ELFN2: variants seen among roughly 807,000 people sequenced by gnomAD.
ELFN2 encodes extracellular leucine rich repeat and fibronectin type III domain containing 2.
In ELFN2, 17 loss-of-function variants were observed where a neutral mutation model predicts 45.5. That is an observed-to-expected ratio of 0.37 (90% CI 0.26 to 0.56). The LOEUF is 0.56. ELFN2 is among the 20% of genes least tolerant of loss of function. ELFN2 has a pLI of 0.77. For synonymous variants in ELFN2, 550 were observed against 551.5 expected (o/e 1.00, Z 0.04); for missense variants, 922 against 1,183.2 (o/e 0.78, Z 3.24).
downstream of ELFN2, among the ~76,000 whole-genome samples, chr22:37,364,960 G>A (rs564836104): frequency 7.2e-5 from 11 of 152,324 alleles, no homozygotes; most frequent in Middle Eastern, 3.4e-3. Context: ...AATGCTTCCG[G>A]GCTGTGACAA....
intron 1 of ELFN2, among the ~76,000 whole-genome samples, chr22:37,347,245 C>T (rs940666175): frequency 6.6e-6 from 1 of 152,134 alleles, no homozygotes; most frequent in African/African-American, 2.4e-5. Flanking sequence ...TCCCAACGTG[C>T]TGGGATTACA....
intron 1 of ELFN2, among the ~76,000 whole-genome samples, chr22:37,361,938 C>T (rs1427812735): frequency 1.3e-5 from 2 of 152,210 alleles, no homozygotes; most frequent in African/African-American, 2.4e-5. Context: ...CACAGGCATG[C>T]ATAGAGACTG....
At chr22:37,408,126 C>A (rs911871381) in intron 2 of ELFN2, among the ~76,000 whole-genome samples, 3 of 152,218 alleles carry the variant, frequency 2.0e-5, no homozygotes, top group Admixed American at 6.5e-5. Context: ...ATGATCCCCC[C>A]AGGGGCTGCG....
intron 1 of ELFN2, among the ~76,000 whole-genome samples, chr22:37,362,215 C>A (rs999787090): frequency 2.0e-5 from 3 of 152,228 alleles, no homozygotes; most frequent in African/African-American, 7.2e-5. Flanking sequence ...AGGGTCAGAG[C>A]AGACCCTTCT....
intron 2 of ELFN2, among the ~76,000 whole-genome samples, chr22:37,388,489 C>T (rs1434180273): frequency 1.3e-5 from 2 of 152,162 alleles, no homozygotes; most frequent in Non-Finnish European, 2.9e-5. Context: ...ATAAGGAAAT[C>T]GAGGCTCCAA....
chr22:37,351,977 AC>A (rs1930832292), intron 1 of ELFN2, among the ~76,000 whole-genome samples: 1 of 150,772 alleles, frequency 6.6e-6, no homozygotes, highest in Admixed American at 6.6e-5. Context: ...GGGCTGCCCA[AC>A]TCGGAGCTGG....
intron 2 of ELFN2, among the ~76,000 whole-genome samples, chr22:37,380,411 C>T (rs1931721515): frequency 6.6e-6 from 1 of 152,216 alleles, no homozygotes; most frequent in African/African-American, 2.4e-5. Context: ...GACAGAGACA[C>T]ACACGCTCAG....
At position 37,372,476 on chromosome 22, in the gene ELFN2, G is replaced by C. The variant is rs1005969388; in HGVS notation, c.*596C>G. On this transcript the variant is annotated 3_prime_UTR_variant, in exon 3 of 3. Coordinates refer to ENST00000402918, the MANE Select transcript of ELFN2 (RefSeq NM_052906.5). The surrounding 1 kb of genome is among the most constrained non-coding windows in gnomAD (Gnocchi z 4.4). Reference sequence around the variant, plus strand: ...GCAGGGGGTTCCGGGACAGCACTGGGCTGGGAAGTTGGGGGACTTGAGGCT... The same window carrying C: ...GCAGGGGGTTCCGGGACAGCACTGGCCTGGGAAGTTGGGGGACTTGAGGCT... 1 of 152,906 alleles carries C rather than the reference G, an allele frequency of 6.5e-6. No homozygotes were observed. The highest frequency in any genetic ancestry group is 1.5e-5 in the Non-Finnish European group (1 of 68,576). 9.5% of individuals were successfully genotyped at this position (152,906 alleles called of 1,614,324 possible). A position where few individuals can be genotyped will look rare whatever the true frequency, so the allele number is the denominator to read the frequency against.
At chr22:37,351,397 C>G (rs1005204021) in intron 1 of ELFN2, among the ~76,000 whole-genome samples, 5 of 150,262 alleles carry the variant, frequency 3.3e-5, no homozygotes, top group Non-Finnish European at 7.5e-5. Context: ...TGTCTGGAAT[C>G]CTAATGCCCT....
chr22:37,392,404 G>A (rs1012585473), intron 2 of ELFN2, among the ~76,000 whole-genome samples: 6 of 147,296 alleles, frequency 4.1e-5, no homozygotes, highest in Admixed American at 1.4e-4. Flanking sequence ...TGCAACCTCC[G>A]CCTCCCAGAT....
downstream of ELFN2, among the ~76,000 whole-genome samples, chr22:37,363,259 A>G (rs1931129390): frequency 6.6e-6 from 1 of 152,148 alleles, no homozygotes; most frequent in Admixed American, 6.5e-5. Context: ...ACCGGACTGA[A>G]GTCTATAAAT....
At chr22:37,359,003 G>A (rs868322371) in intron 1 of ELFN2, among the ~76,000 whole-genome samples, 19 of 152,234 alleles carry the variant, frequency 1.2e-4, no homozygotes, top group South Asian at 2.1e-4. Context: ...TGAGATGGAC[G>A]TGGGGCTGGA....
intron 1 of ELFN2, among the ~76,000 whole-genome samples, chr22:37,350,814 C>G (rs1336207588): frequency 2.7e-5 from 4 of 149,958 alleles, no homozygotes; most frequent in African/African-American, 7.3e-5. Flanking sequence ...CTCCAAGACC[C>G]GAGGCCTCCA....
intron 2 of ELFN2, among the ~76,000 whole-genome samples, chr22:37,376,961 G>C (rs549545990): frequency 1.3e-5 from 2 of 152,308 alleles, no homozygotes; most frequent in South Asian, 4.1e-4. Context: ...GGTTCCTAAG[G>C]CACTGAGCCC....
chr22:37,355,727 CG>C (rs1021815966), intron 1 of ELFN2, among the ~76,000 whole-genome samples: 5 of 152,116 alleles, frequency 3.3e-5, no homozygotes, highest in African/African-American at 4.8e-5. Context: ...AGTCCGTGGC[CG>C]GGGGAGCCTC....
At chr22:37,409,916 G>A (rs1932603451) in intron 2 of ELFN2, among the ~76,000 whole-genome samples, 1 of 152,160 alleles carries the variant, frequency 6.6e-6, no homozygotes, top group Non-Finnish European at 1.5e-5. Flanking sequence ...GACAGCCTCT[G>A]GGGAGGAGGC....
Position 37,374,481 on chromosome 22 carries a change from G to A in ELFN2, c.1054C>T (p.Arg352Trp), listed in dbSNP as rs150109309. Residue 352 changes from arginine to tryptophan, a missense_variant, in exon 3 of 3, where the codon CGG (arginine) becomes TGG (tryptophan). Arg to Trp is a moderately radical substitution (Grantham distance 101, BLOSUM62 -3). Coordinates refer to ENST00000402918, the MANE Select transcript of ELFN2 (RefSeq NM_052906.5). ...KKEIVTLDKLRAHTEYTFCVT... is the reference protein window; with the variant it reads ...KKEIVTLDKLWAHTEYTFCVT... ...CAGAAGGTGTACTCAGTGTGCGCCC[G>A]CAGTTTGTCCAGCGTCACGATCTCC... The A allele has an allele frequency of 1.9e-5, 30 of 1,614,110 alleles. No homozygotes were observed. Among genetic ancestry groups the A allele is most frequent in the East Asian group, 4.5e-5 (2 of 44,904 alleles).
intron 2 of ELFN2, among the ~76,000 whole-genome samples, 163 bp from the exon 3 acceptor site, chr22:37,376,159 T>G (rs1931580059): frequency 6.6e-6 from 1 of 151,532 alleles, no homozygotes; most frequent in African/African-American, 2.4e-5. Flanking sequence ...AAGCAGGGGG[T>G]TGGTGGGTGG....
chr22:37,411,983 A>C (rs1201090707), intron 2 of ELFN2, among the ~76,000 whole-genome samples: 1 of 152,002 alleles, frequency 6.6e-6, no homozygotes, highest in Non-Finnish European at 1.5e-5. Flanking sequence ...TCCAAAAAAA[A>C]AGTCTTCCCA....
Sources: gnomAD v4.1 joint callset for allele counts (sites outside exome capture counted in the v4.1 genomes callset) on GRCh38, gnomAD v4.1.1 for gene constraint, Gnocchi (gnomAD v3.1) non-coding constraint, MANE v1.5 for transcripts, NCBI Gene and HGNC (gene_info 2026-07-23, HGNC 2026-07-21) for gene names.